The following SEMA3C variants were observed in gnomAD, a reference collection of about 807,000 sequenced individuals.
SEMA3C encodes semaphorin-3C.
A neutral mutation model predicts 89.4 loss-of-function variants in SEMA3C; 47 were observed. The observed-to-expected ratio is 0.53, with a 90% CI of 0.42 to 0.67. The LOEUF (loss-of-function observed/expected upper bound fraction) is 0.67, where lower values mean the gene tolerates loss of function less well. Among genes scored for constraint, SEMA3C ranks in the 30% least tolerant of loss-of-function variants. SEMA3C has a pLI of 0.00. For synonymous variants in SEMA3C, 310 were observed against 320.2 expected (o/e 0.97, Z 0.34); for missense variants, 839 against 929.1 (o/e 0.90, Z 1.26).
At chr7:80,897,577 A>G (rs1453361569) in intron 2 of SEMA3C, among the ~76,000 whole-genome samples, 1 of 152,214 alleles carries the variant, frequency 6.6e-6, no homozygotes, top group Admixed American at 6.5e-5. Flanking sequence ...AATAGTGCCC[A>G]GATACGAAGA....
At chr7:80,809,017 T>C (rs757456722) in intron 6 of SEMA3C, among the ~76,000 whole-genome samples, 2 of 152,140 alleles carry the variant, frequency 1.3e-5, no homozygotes, top group African/African-American at 2.4e-5. Flanking sequence ...CCTTCGGTGA[T>C]TCACCCACCT....
chr7:80,862,579 T>C (rs1403993284), intron 2 of SEMA3C, among the ~76,000 whole-genome samples: 2 of 152,114 alleles, frequency 1.3e-5, no homozygotes, highest in African/African-American at 4.8e-5. Flanking sequence ...TTCACATAAT[T>C]AGAAAAAACA....
chr7:80,855,613 A>G lies in SEMA3C; in HGVS notation c.104-26868T>C, dbSNP rs1202399719. ...CTAATCTGAGGAAACTAGGGCAGAA[A>G]TGTTTCAATAATGTGCCCACATTCA... On this transcript the variant is annotated intron_variant, in intron 2 of 17. Transcript: ENST00000265361. Among the ~76,000 whole-genome samples, 5 of 152,218 alleles carry G rather than the reference A, an allele frequency of 3.3e-5. No homozygotes were observed. In the East Asian group the frequency reaches 5.8e-4, roughly 18 times the overall value.
intron 16 of SEMA3C, among the ~76,000 whole-genome samples, chr7:80,750,842 A>G (rs1440471428): frequency 6.6e-6 from 1 of 152,118 alleles, no homozygotes; most frequent in Non-Finnish European, 1.5e-5. Context: ...CAATGTAAAT[A>G]TGCTTAATGC....
intron 2 of SEMA3C, among the ~76,000 whole-genome samples, chr7:80,904,718 T>G (rs1442782273): frequency 1.3e-5 from 2 of 152,130 alleles, no homozygotes; most frequent in African/African-American, 4.8e-5. Context: ...TTTTAGGGAT[T>G]GGGGGAAGTG....
At chr7:80,880,356 T>C (rs1791304286) in intron 2 of SEMA3C, among the ~76,000 whole-genome samples, 1 of 152,170 alleles carries the variant, frequency 6.6e-6, no homozygotes, top group Admixed American at 6.5e-5. Flanking sequence ...GAATATAAGA[T>C]TCACTATAGT....
chr7:80,782,170 A>G (rs929899675), intron 12 of SEMA3C, among the ~76,000 whole-genome samples: 1 of 152,148 alleles, frequency 6.6e-6, no homozygotes, highest in African/African-American at 2.4e-5. Context: ...CCCAATTTTT[A>G]TCTCCTTTCT....
intron 7 of SEMA3C, 25 bp downstream of exon 7, chr7:80,805,614 A>G (rs143205564): frequency 8.9e-6 from 14 of 1,580,260 alleles, no homozygotes; most frequent in African/African-American, 8.1e-5. Flanking sequence ...ATACTAAAAA[A>G]TAAATGCATC....
At position 80,839,458 on chromosome 7, in the gene SEMA3C, T is replaced by A. The variant is rs895928709; in HGVS notation, c.104-10713A>T. 9.9e-5 allele frequency among the ~76,000 whole-genome samples: 15 copies of A among 152,112 alleles called. 1 individual carries two copies. In the South Asian group the frequency reaches 3.1e-3, roughly 32 times the overall value. ...GAAAAAAGTGGGCACAGAAGAGAAA[T>A]GTGGTATCAGCTGGAGCTCAGGGTA... On this transcript the variant is annotated intron_variant, in intron 2 of 17. Transcript: ENST00000265361.
chr7:80,905,174 C>CTTTT (rs1562979079), intron 2 of SEMA3C, among the ~76,000 whole-genome samples: 5 of 139,776 alleles, frequency 3.6e-5, no homozygotes, highest in African/African-American at 1.4e-4. Flanking sequence ...CAATTATGGC[C>CTTTT]ATTTTTTTTT....
intron 2 of SEMA3C, among the ~76,000 whole-genome samples, chr7:80,894,355 T>C (rs982323596): frequency 6.6e-6 from 1 of 152,120 alleles, no homozygotes; most frequent in Non-Finnish European, 1.5e-5. Flanking sequence ...TAGTTCTTGA[T>C]GTGTTACACA....
In SEMA3C at chr7:80,802,579, G is replaced by C. The variant is rs911932220; in HGVS notation, c.916+86C>G. 4 of 767,530 alleles carry C rather than the reference G, an allele frequency of 5.2e-6. No homozygotes were observed. The Admixed American group carries it at 9.5e-5, about 18-fold the overall frequency. 47.5% of individuals were successfully genotyped at this position (767,530 alleles called of 1,614,324 possible). ...ATTATTTATGCTGAAAATATGGAAA[G>C]TACATCTTCTTTTGAGACCTTATTT... On this transcript the variant is annotated intron_variant, in intron 9 of 17. Coordinates refer to ENST00000265361, the MANE Select transcript of SEMA3C (RefSeq NM_006379.5).
chr7:80,785,531 T>G (rs1404905732), intron 12 of SEMA3C, among the ~76,000 whole-genome samples: 1 of 152,176 alleles, frequency 6.6e-6, no homozygotes, highest in African/African-American at 2.4e-5. Flanking sequence ...GTTAGATATA[T>G]AATGCTAGGA....
intron 4 of SEMA3C, among the ~76,000 whole-genome samples, chr7:80,822,378 C>CAA (rs36125949): frequency 1.5e-3 from 207 of 139,434 alleles, no homozygotes; most frequent in African/African-American, 4.8e-3. Context: ...AACATTTCAG[C>CAA]AAAAAAAAAT....
At chr7:80,868,332 G>A (rs1790977722) in intron 2 of SEMA3C, among the ~76,000 whole-genome samples, 2 of 152,004 alleles carry the variant, frequency 1.3e-5, no homozygotes, top group South Asian at 4.2e-4. Flanking sequence ...CAGCGATGCA[G>A]TCTCAGCTCA....
At chr7:80,769,517 C>G (rs932190062) in intron 12 of SEMA3C, among the ~76,000 whole-genome samples, 1 of 152,090 alleles carries the variant, frequency 6.6e-6, no homozygotes, top group Non-Finnish European at 1.5e-5. Context: ...TTATGCATAC[C>G]ATTTTAAAAA....
intron 2 of SEMA3C, among the ~76,000 whole-genome samples, chr7:80,836,590 A>T (rs1424748184): frequency 6.6e-6 from 1 of 152,156 alleles, no homozygotes; most frequent in African/African-American, 2.4e-5. Flanking sequence ...AGGCAGGAGA[A>T]TTGCTTGAAC....
At chr7:80,796,257 T>TA (rs746957381) in intron 11 of SEMA3C, 2 of 152,238 alleles carry the variant, frequency 1.3e-5, no homozygotes, top group Non-Finnish European at 2.9e-5. Context: ...TGAAAATGCA[T>TA]AAAATATGTT....
At chr7:80,809,423 C>T (rs185495118) in intron 6 of SEMA3C, among the ~76,000 whole-genome samples, 112 of 152,178 alleles carry the variant, frequency 7.4e-4, no homozygotes, top group African/African-American at 2.6e-3. Flanking sequence ...GGTTTCAATT[C>T]CTTTGGATAT....
Sources: gnomAD v4.1 joint callset for allele counts (sites outside exome capture counted in the v4.1 genomes callset) on GRCh38, gnomAD v4.1.1 for gene constraint, MANE v1.5 for transcripts, NCBI Gene and HGNC (gene_info 2026-07-23, HGNC 2026-07-21) for gene names.